NAALADL2: variants seen among roughly 807,000 people sequenced by gnomAD.
The protein encoded by NAALADL2 is N-acetylated alpha-linked acidic dipeptidase like 2, also known as inactive N-acetylated-alpha-linked acidic dipeptidase-like protein 2.
Under a neutral mutation model 87.2 loss-of-function variants are expected in NAALADL2, and 76 were observed. The observed-to-expected ratio is 0.87, with a 90% CI of 0.72 to 1.05. NAALADL2 has a LOEUF of 1.05. NAALADL2 is among the 50% of genes least tolerant of loss of function. The pLI is 0.00. For synonymous variants in NAALADL2, 354 were observed against 331.0 expected, an observed-to-expected ratio of 1.07 and a Z score of -0.75; for missense variants, 1,089 against 945.8, an observed-to-expected ratio of 1.15 and a Z score of -1.99.
rs191628909 is a variant in NAALADL2 at position 174,458,926 on chromosome 3, G to A, written c.-184+17894G>A. ...TCAAGCCTCTATTATGTTTCCTGGG[G>A]TTACTAACATGATCAAAGTAGCAAG... On this transcript the variant is annotated intron_variant, in intron 1 of 3. Transcript: ENST00000434257. Among the ~76,000 whole-genome samples the A allele has an allele frequency of 2.6e-4, 40 of 152,114 alleles. No homozygotes were observed. The East Asian group carries it at 6.0e-3, about 23-fold the overall frequency.
chr3:175,792,375 A>C (rs1752903128), intron 13 of NAALADL2, among the ~76,000 whole-genome samples: 1 of 152,192 alleles, frequency 6.6e-6, no homozygotes, highest in Non-Finnish European at 1.5e-5. Context: ...AAGCTTTGTG[A>C]TCAACATTCA....
chr3:175,350,833 A>C (rs1026231518), intron 5 of NAALADL2, among the ~76,000 whole-genome samples: 4 of 152,150 alleles, frequency 2.6e-5, no homozygotes, highest in African/African-American at 9.6e-5. Flanking sequence ...GGGACAATTA[A>C]AATTAAATTA....
chr3:175,265,465 G>A (rs917572445), intron 4 of NAALADL2, among the ~76,000 whole-genome samples: 3 of 151,392 alleles, frequency 2.0e-5, no homozygotes, highest in Non-Finnish European at 4.4e-5. Flanking sequence ...TATATATATG[G>A]CTCTAAGTTC....
chr3:175,360,181 T>C (rs922400357), intron 5 of NAALADL2, among the ~76,000 whole-genome samples: 1 of 152,246 alleles, frequency 6.6e-6, no homozygotes, highest in South Asian at 2.1e-4. Context: ...TGTTCACAGA[T>C]TAGCCATGTG....
intron 2 of NAALADL2, among the ~76,000 whole-genome samples, chr3:175,201,938 T>G (rs906600357): frequency 9.9e-5 from 15 of 152,214 alleles, no homozygotes; most frequent in African/African-American, 3.1e-4. Context: ...ATTTTATCAA[T>G]GTATTTCTTA....
intron 10 of NAALADL2, among the ~76,000 whole-genome samples, chr3:175,595,243 T>C (rs1203354844): frequency 6.6e-6 from 1 of 152,162 alleles, no homozygotes; most frequent in African/African-American, 2.4e-5. Context: ...GCATCATTTA[T>C]TGAATAAGGG....
chr3:175,595,563 T>C (rs1026765223), intron 10 of NAALADL2, among the ~76,000 whole-genome samples: 2 of 151,418 alleles, frequency 1.3e-5, no homozygotes, highest in Non-Finnish European at 3.0e-5. Flanking sequence ...AAAATCAGAG[T>C]ACAAAAATCA....
intron 11 of NAALADL2, among the ~76,000 whole-genome samples, chr3:175,725,996 A>G (rs191300575): frequency 3.2e-4 from 48 of 152,254 alleles, no homozygotes; most frequent in Non-Finnish European, 6.2e-4. Flanking sequence ...AAAAATGTAA[A>G]GTTAGTATCT....
intron 9 of NAALADL2, among the ~76,000 whole-genome samples, chr3:175,508,192 A>T (rs756675142): frequency 5.3e-5 from 8 of 152,220 alleles, no homozygotes; most frequent in Non-Finnish European, 1.2e-4. Flanking sequence ...CAAGTCATTC[A>T]TGAGGGATCT....
chr3:174,588,151 AC>A (rs1169176643), intron 2 of NAALADL2, among the ~76,000 whole-genome samples: 1 of 151,886 alleles, frequency 6.6e-6, no homozygotes, highest in Non-Finnish European at 1.5e-5. Context: ...CCTTTCTTTT[AC>A]TTGATCGTAT....
intron 4 of NAALADL2, among the ~76,000 whole-genome samples, chr3:175,277,312 T>C (rs1007071859): frequency 7.2e-5 from 11 of 152,210 alleles, no homozygotes; most frequent in Non-Finnish European, 1.2e-4. Flanking sequence ...CTCTGTTGTG[T>C]CAACAAGTGC....
intron 5 of NAALADL2, among the ~76,000 whole-genome samples, chr3:175,416,471 AAC>A (rs1714659378): frequency 6.6e-6 from 1 of 152,188 alleles, no homozygotes; most frequent in Non-Finnish European, 1.5e-5. Flanking sequence ...TGTGAAACAG[AAC>A]AGTTTTGTTT....
chr3:175,482,526 G>A (rs372836760), intron 9 of NAALADL2, among the ~76,000 whole-genome samples: 31 of 151,844 alleles, frequency 2.0e-4, no homozygotes, highest in Admixed American at 6.6e-4. Flanking sequence ...TCATCATGAC[G>A]TGTAAGTTAT....
chr3:175,607,623 A>C (rs1393045602), intron 10 of NAALADL2, among the ~76,000 whole-genome samples: 2 of 152,138 alleles, frequency 1.3e-5, no homozygotes, highest in African/African-American at 4.8e-5. Flanking sequence ...ATGTTAGAAA[A>C]TCAGTTAACA....
At chr3:175,000,701 A>G (rs1222465919) in intron 1 of NAALADL2, among the ~76,000 whole-genome samples, 2 of 152,218 alleles carry the variant, frequency 1.3e-5, no homozygotes, top group Admixed American at 1.3e-4. Flanking sequence ...TTAAAGTACT[A>G]AAATCAGATT....
chr3:174,953,922 T>C (rs902746415), intron 1 of NAALADL2, among the ~76,000 whole-genome samples: 5 of 152,090 alleles, frequency 3.3e-5, no homozygotes, highest in African/African-American at 9.7e-5. Context: ...AGTGGCTAGA[T>C]TTCAGGGAAG....
intron 1 of NAALADL2, among the ~76,000 whole-genome samples, chr3:174,487,894 C>T (rs904068944): frequency 3.0e-4 from 46 of 151,816 alleles, no homozygotes; most frequent in Admixed American, 2.7e-3. Flanking sequence ...AGCTGCATTT[C>T]GGGATAGTTT....
chr3:175,090,462 AC>A (rs752837457), intron 1 of NAALADL2, among the ~76,000 whole-genome samples: 2 of 152,096 alleles, frequency 1.3e-5, no homozygotes, highest in Non-Finnish European at 2.9e-5. Context: ...TTGCAGTTGC[AC>A]ACAGGGCCCC....
intron 3 of NAALADL2, among the ~76,000 whole-genome samples, chr3:174,801,511 G>A (rs1718827975): frequency 6.6e-6 from 1 of 152,154 alleles, no homozygotes. Context: ...TTTATCAGCA[G>A]TGTGAAAACA....
Sources: gnomAD v4.1 joint callset for allele counts (sites outside exome capture counted in the v4.1 genomes callset) on GRCh38, gnomAD v4.1.1 for gene constraint, MANE v1.5 for transcripts, NCBI Gene and HGNC (gene_info 2026-07-23, HGNC 2026-07-21) for gene names.